The following RPS6KA5 variants were observed in gnomAD, a reference collection of about 807,000 sequenced individuals.
RPS6KA5 encodes the protein ribosomal protein S6 kinase alpha-5.
In RPS6KA5, 27 loss-of-function variants were observed where a neutral mutation model predicts 85.5. That is an observed-to-expected ratio of 0.32 (90% CI 0.23 to 0.44). The LOEUF is 0.44. Among genes scored for constraint, RPS6KA5 ranks in the 20% least tolerant of loss-of-function variants. The pLI is 1.00. For missense variants in RPS6KA5, 811 were observed against 980.9 expected (o/e 0.83, Z 2.31); for synonymous variants, 334 against 348.2 (o/e 0.96, Z 0.46).
intron 1 of RPS6KA5, among the ~76,000 whole-genome samples, chr14:91,042,772 C>A (rs2042655027): frequency 1.5e-5 from 1 of 66,686 alleles, no homozygotes; most frequent in Admixed American, 1.4e-4. Context: ...TCCCATCCCC[C>A]TTCTCAGGAC....
chr14:91,060,523 C>T lies in RPS6KA5; in HGVS notation c.-89G>A. On this transcript the variant is annotated 5_prime_UTR_variant, in exon 1 of 17. Transcript: ENST00000614987. ...GTCCCCTCGCAGCCGCTGCCGCGGC[C>T]CCAGGAGTCGGGGTGCGGCGGCTCC... 8.1e-7 allele frequency: 1 copy of T among 1,237,044 alleles called. No homozygotes were observed. The highest frequency in any genetic ancestry group is 1.0e-6 in the Non-Finnish European group (1 of 982,896). 76.6% of individuals were successfully genotyped at this position (1,237,044 alleles called of 1,614,324 possible).
At chr14:90,880,825 T>A (rs2033789082) in intron 14 of RPS6KA5, among the ~76,000 whole-genome samples, 1 of 151,714 alleles carries the variant, frequency 6.6e-6, no homozygotes, top group Non-Finnish European at 1.5e-5. Context: ...CTTTGTCTTT[T>A]GTAAACTTTT....
chr14:90,856,360 A>ATT lies in RPS6KA5; in HGVS notation c.*15712_*15713dup, dbSNP rs756400550. The ATT allele has an allele frequency of 0.018, 2,286 of 126,580 alleles. 80 individuals carry two copies. Among genetic ancestry groups the ATT allele is most frequent in the South Asian group, 0.051 (196 of 3,848 alleles). The allele number at this position is 126,580 out of a possible 1,614,324, so 7.8% of individuals were successfully genotyped here. ...GCTACAGCCTTTCTAGCTATGCGTGATTTTTTTTTTTTTTTTTTTTGAGAC... is the reference window on the plus strand; with the variant it reads ...GCTACAGCCTTTCTAGCTATGCGTGATTTTTTTTTTTTTTTTTTTTTTGAGAC... On this transcript the variant is annotated 3_prime_UTR_variant, in exon 17 of 17. Coordinates refer to ENST00000614987, the MANE Select transcript of RPS6KA5 (RefSeq NM_004755.4).
At chr14:91,060,245 C>T in intron 1 of RPS6KA5, 87 bp downstream of exon 1, 3 of 974,576 alleles carry the variant, frequency 3.1e-6, no homozygotes, top group Non-Finnish European at 3.7e-6. Flanking sequence ...GGCTGCGGCC[C>T]CGCGCCCCCA....
At chr14:90,941,630 C>A (rs753170696) in intron 5 of RPS6KA5, among the ~76,000 whole-genome samples, 1 of 152,214 alleles carries the variant, frequency 6.6e-6, no homozygotes. Context: ...GTTTCTTACA[C>A]AGACTTTCAA....
chr14:90,937,961 A>G (rs572615756), intron 5 of RPS6KA5, among the ~76,000 whole-genome samples: 1 of 152,200 alleles, frequency 6.6e-6, no homozygotes, highest in Non-Finnish European at 1.5e-5. Context: ...TCAGTCCCAC[A>G]AAGTCTTAAC....
chr14:90,924,154 A>G (rs1466601158), intron 5 of RPS6KA5, among the ~76,000 whole-genome samples: 3 of 152,164 alleles, frequency 2.0e-5, no homozygotes, highest in East Asian at 1.9e-4. Context: ...AGAAGTCCCA[A>G]TCACTGAGAA....
chr14:90,944,873 T>C (rs887671875), intron 4 of RPS6KA5, among the ~76,000 whole-genome samples: 36 of 151,544 alleles, frequency 2.4e-4, no homozygotes, highest in Admixed American at 1.4e-3. Context: ...CAACCTATGA[T>C]AGCATTCCAG....
In RPS6KA5 at chr14:90,978,443, G is replaced by A. The variant is rs1371027093; in HGVS notation, c.257C>T (p.Ala86Val). The part of the protein sequence containing the change: ...KLYAMKVLKK[A>V]TIVQKAKTTE... Reference sequence around the variant, plus strand: ...GGTTTTGGCCTTTTGAACGATTGTTGCCTTTTTCAAAACTTTCATGGCATA... The same window carrying A: ...GGTTTTGGCCTTTTGAACGATTGTTACCTTTTTCAAAACTTTCATGGCATA... The change falls in exon 3 of 17, where the codon GCA becomes GTA. Residue 86 changes from alanine to valine, a missense_variant. Physicochemically the swap from Ala to Val is moderately conservative, Grantham distance 64. This residue lies in a region of RPS6KA5 where 48 missense variants were observed against 87.6 expected (regional missense o/e 0.55). Coordinates refer to ENST00000614987, the MANE Select transcript of RPS6KA5 (RefSeq NM_004755.4). The A allele has an allele frequency of 1.9e-6, 3 of 1,613,722 alleles. No individual in the cohort carries two copies. In the South Asian group the frequency reaches 3.3e-5, roughly 18 times the overall value.
At chr14:91,009,594 T>C (rs2041173128) in intron 1 of RPS6KA5, among the ~76,000 whole-genome samples, 1 of 152,142 alleles carries the variant, frequency 6.6e-6, no homozygotes, top group Non-Finnish European at 1.5e-5. Flanking sequence ...GACAGCCCTA[T>C]ATCTAAAGCA....
At chr14:90,953,707 G>A (rs556840010) in intron 3 of RPS6KA5, among the ~76,000 whole-genome samples, 51 of 152,332 alleles carry the variant, frequency 3.3e-4, no homozygotes, top group Middle Eastern at 6.8e-3. Context: ...CACTCTGGGA[G>A]TGTCTGTCTT....
At chr14:91,012,208 T>C (rs574821034) in intron 1 of RPS6KA5, among the ~76,000 whole-genome samples, 7 of 152,226 alleles carry the variant, frequency 4.6e-5, no homozygotes, top group Non-Finnish European at 8.8e-5. Context: ...GTCCTAGCCC[T>C]TATTCCCTAT....
Position 90,865,636 on chromosome 14 carries a change from T to A in RPS6KA5, c.*6438A>T, listed in dbSNP as rs2032772424. The stretch of plus-strand genomic sequence containing the variant: ...TTAAACAATATGATCACTATCTATA[T>A]GTAGTTTTAGTGCTCCATTTGGACT... On this transcript the variant is annotated 3_prime_UTR_variant, in exon 17 of 17. Coordinates refer to ENST00000614987, the MANE Select transcript of RPS6KA5 (RefSeq NM_004755.4). The A allele has an allele frequency of 6.6e-6, 1 of 152,274 alleles. No homozygotes were observed. Among genetic ancestry groups the A allele is most frequent in the African/African-American group, 2.4e-5 (1 of 41,470 alleles). 9.4% of individuals were successfully genotyped at this position (152,274 alleles called of 1,614,324 possible). A position where few individuals can be genotyped will look rare whatever the true frequency, so the allele number is the denominator to read the frequency against.
chr14:90,923,539 C>T (rs1435678651), intron 5 of RPS6KA5, among the ~76,000 whole-genome samples: 1 of 152,030 alleles, frequency 6.6e-6, no homozygotes, highest in East Asian at 1.9e-4. Flanking sequence ...GCTGATTTAA[C>T]CCTTTTTTTG....
intron 5 of RPS6KA5, among the ~76,000 whole-genome samples, chr14:90,926,128 G>A (rs562744937): frequency 6.6e-6 from 1 of 152,048 alleles, no homozygotes; most frequent in East Asian, 1.9e-4. Flanking sequence ...AAAATTGCTG[G>A]GCATGGTGGC....
intron 1 of RPS6KA5, among the ~76,000 whole-genome samples, chr14:91,016,430 T>C (rs994513565): frequency 6.6e-6 from 1 of 152,208 alleles, no homozygotes; most frequent in Non-Finnish European, 1.5e-5. Flanking sequence ...ATCTTTTTGC[T>C]TATTCAAAAT....
chr14:90,983,817 G>T (rs140500275), intron 2 of RPS6KA5, among the ~76,000 whole-genome samples: 1 of 111,056 alleles, frequency 9.0e-6, no homozygotes, highest in African/African-American at 3.8e-5. Flanking sequence ...CTCTCTCTCT[G>T]TCTCTCTCTC....
At chr14:90,896,336 C>G (rs1207352715) in intron 12 of RPS6KA5, among the ~76,000 whole-genome samples, 1 of 152,192 alleles carries the variant, frequency 6.6e-6, no homozygotes, top group African/African-American at 2.4e-5. Flanking sequence ...TGGGATGCTA[C>G]TTTATCTTAT....
intron 5 of RPS6KA5, among the ~76,000 whole-genome samples, chr14:90,926,820 A>G (rs1465383194): frequency 6.6e-6 from 1 of 152,118 alleles, no homozygotes; most frequent in African/African-American, 2.4e-5. Context: ...GAACCTTGCT[A>G]AAAAGAAATC....
Sources: gnomAD v4.1 joint callset for allele counts (sites outside exome capture counted in the v4.1 genomes callset) on GRCh38, gnomAD v4.1.1 for gene constraint, gnomAD v4.1.1 regional missense constraint, MANE v1.5 for transcripts, NCBI Gene and HGNC (gene_info 2026-07-23, HGNC 2026-07-21) for gene names.